Variants in SLC37A2 observed in about 807,000 individuals in gnomAD.
SLC37A2 encodes glucose-6-phosphate exchanger SLC37A2.
SLC37A2 carries 59 observed loss-of-function variants against 70.7 expected under a neutral mutation model. That is an observed-to-expected ratio of 0.83 (90% CI 0.68 to 1.04). The LOEUF (loss-of-function observed/expected upper bound fraction) is 1.04. SLC37A2 is among the 50% of genes least tolerant of loss of function. SLC37A2 has a pLI of 0.00. For missense variants in SLC37A2, 580 were observed against 658.1 expected, an observed-to-expected ratio of 0.88 and a Z score of 1.30; for synonymous variants, 257 against 262.1, an observed-to-expected ratio of 0.98 and a Z score of 0.19.
intron 17 of SLC37A2, chr11:125,087,633 CTTTTT>C (rs201240101): frequency 2.1e-5 from 3 of 140,914 alleles, no homozygotes; most frequent in Admixed American, 7.1e-5. Flanking sequence ...TATTTAATTT[CTTTTT>C]TTTTTTTTTT....
chr11:125,088,244 T>A lies in SLC37A2; in HGVS notation c.*110T>A. On this transcript the variant is annotated 3_prime_UTR_variant, in exon 18 of 18. Coordinates refer to ENST00000403796, the MANE Select transcript of SLC37A2 (RefSeq NM_001145290.2). ...AGCAGGGAAGGCAAACCCTCTTTAT[T>A]GAACATTAGCCAGCCCAGCCCAGAC... 2.3e-6 allele frequency: 3 copies of A among 1,324,612 alleles called. No individual in the cohort carries two copies. In the South Asian group the frequency reaches 3.8e-5, roughly 17 times the overall value. 82.1% of individuals were successfully genotyped at this position (1,324,612 alleles called of 1,614,324 possible). A position where few individuals can be genotyped will look rare whatever the true frequency, so the allele number is the denominator to read the frequency against.
intron 1 of SLC37A2, among the ~76,000 whole-genome samples, chr11:125,076,257 C>T (rs913467750): frequency 3.9e-5 from 6 of 152,140 alleles, no homozygotes; most frequent in South Asian, 4.1e-4. Flanking sequence ...TTCCAACTAC[C>T]GCCTGCCTGA....
Position 125,080,690 on chromosome 11 carries a change from T to A in SLC37A2, c.604T>A (p.Trp202Arg). 6.3e-7 allele frequency: 1 copy of A among 1,587,200 alleles called. No individual in the cohort carries two copies. Among genetic ancestry groups the A allele is most frequent in the Non-Finnish European group, 8.6e-7 (1 of 1,166,104 alleles). The change falls in exon 7 of 18, where the codon TGG becomes AGG. Residue 202 changes from tryptophan (W) to arginine (R), a missense_variant. Coordinates refer to ENST00000403796, the MANE Select transcript of SLC37A2 (RefSeq NM_001145290.2). The surrounding 1 kb of genome is among the most constrained non-coding windows in gnomAD (Gnocchi z 4.3). The stretch of plus-strand genomic sequence containing the variant: ...CCTGGGCTCCCTGATCGCCGGCATC[T>A]GGGTGAACGGGCAGTGGGGCCTGTC... ...NILGSLIAGI[W>R]VNGQWGLSFI...
intron 12 of SLC37A2, 151 bp from the exon 13 acceptor site, chr11:125,084,674 A>G (rs1192432810): frequency 1.2e-6 from 1 of 804,062 alleles, no homozygotes; most frequent in East Asian, 2.7e-5. Context: ...TCCCTGGGAC[A>G]TTTAAAGACC....
rs772612833 is a variant in SLC37A2, at chr11:125,085,394, G to A, written c.1249-1G>A. On this transcript the variant is annotated splice_acceptor_variant, in intron 14 of 17. Transcript: ENST00000403796. LOFTEE classifies it high-confidence loss of function. ...TTCCCCACTCCACTGTCTCTCTCCA[G>A]GGGACTCACAAGAGCCTGAAGGGCA... 1.9e-6 allele frequency: 3 copies of A among 1,613,436 alleles called. No individual in the cohort carries two copies. The South Asian group carries it at 3.3e-5, about 18-fold the overall frequency.
At chr11:125,074,942 C>T (rs1021786413) in intron 1 of SLC37A2, among the ~76,000 whole-genome samples, 1 of 152,180 alleles carries the variant, frequency 6.6e-6, no homozygotes, top group Non-Finnish European at 1.5e-5. Context: ...GTCCTGCTGC[C>T]TGGGGGGCCT....
chr11:125,071,191 TC>T (rs1219589769), intron 1 of SLC37A2, among the ~76,000 whole-genome samples: 1 of 152,058 alleles, frequency 6.6e-6, no homozygotes, highest in Non-Finnish European at 1.5e-5. Flanking sequence ...TCAGGTCTTG[TC>T]CCCTGGACGC....
At chr11:125,088,029 C>A in intron 17 of SLC37A2, 90 bp from the exon 18 acceptor site, 2 of 1,426,580 alleles carry the variant, frequency 1.4e-6, no homozygotes, top group South Asian at 1.2e-5. Context: ...ATGAAGGGAC[C>A]CTGGGACCCT....
At chr11:125,071,952 C>T (rs1037516449) in intron 1 of SLC37A2, among the ~76,000 whole-genome samples, 1 of 152,126 alleles carries the variant, frequency 6.6e-6, no homozygotes, top group Admixed American at 6.5e-5. Flanking sequence ...CAGTCACGTC[C>T]GAGAAGAGAC....
At chr11:125,066,154 T>C (rs1948977947) in intron 1 of SLC37A2, among the ~76,000 whole-genome samples, 1 of 152,258 alleles carries the variant, frequency 6.6e-6, no homozygotes, top group Non-Finnish European at 1.5e-5. Flanking sequence ...ACGTTCTTAA[T>C]GTTGTCTAAG....
At position 125,090,464 on chromosome 11, in the gene SLC37A2, C is replaced by T. The variant is rs560539744; in HGVS notation, c.*2330C>T. On this transcript the variant is annotated 3_prime_UTR_variant, in exon 18 of 18. Coordinates refer to ENST00000403796, the MANE Select transcript of SLC37A2 (RefSeq NM_001145290.2). ...CCAGCATTGGCAACTCGCTCGGGTC[C>T]CCTTCCACGCTGTGGGAGCTTTGTT... Among the ~76,000 whole-genome samples, 4 of 152,280 alleles carry T rather than the reference C, an allele frequency of 2.6e-5. No individual in the cohort carries two copies. Among genetic ancestry groups the T allele is most frequent in the Non-Finnish European group, 4.4e-5 (3 of 68,024 alleles).
rs1311902404 is a variant in SLC37A2 at position 125,063,724 on chromosome 11, A to T, written c.59+298A>T. On this transcript the variant is annotated intron_variant, in intron 1 of 17. Coordinates refer to ENST00000403796, the MANE Select transcript of SLC37A2 (RefSeq NM_001145290.2). This position sits in a 1 kb window ranked among gnomAD's most constrained non-coding sequence, Gnocchi z 5.4. ...TTCCCGTTTCCATCCTCCCCTCCTA[A>T]CACACATCCGGGGCGCCTTCAGAGC... 6.6e-6 allele frequency among the ~76,000 whole-genome samples: 1 copy of T among 151,972 alleles called. No homozygotes were observed. The highest frequency in any genetic ancestry group is 1.5e-5 in the Non-Finnish European group (1 of 67,964).
chr11:125,080,667 T>C lies in SLC37A2; in HGVS notation c.581T>C (p.Leu194Pro). The C allele has an allele frequency of 1.3e-6, 2 of 1,581,130 alleles. No homozygotes were observed. The highest frequency in any genetic ancestry group is 1.7e-6 in the Non-Finnish European group (2 of 1,163,204). ...WNSHTSVGNI[L>P]GSLIAGIWVN... ...TCCCACACATCTGTGGGCAACATCC[T>C]GGGCTCCCTGATCGCCGGCATCTGG... Residue 194 changes from leucine to proline, a missense_variant, in exon 7 of 18, where the codon CTG (leucine) becomes CCG (proline). Leu to Pro is a moderately conservative substitution (Grantham distance 98, BLOSUM62 -3). Coordinates refer to ENST00000403796, the MANE Select transcript of SLC37A2 (RefSeq NM_001145290.2). The surrounding 1 kb of genome is among the most constrained non-coding windows in gnomAD (Gnocchi z 4.3).
intron 4 of SLC37A2, among the ~76,000 whole-genome samples, chr11:125,078,786 TATGCATGTG>T (rs113521206): frequency 0.014 from 1,845 of 134,292 alleles, 40 homozygotes; most frequent in African/African-American, 0.053. Context: ...GGCCTGAAGA[TATGCATGTG>T]ATGCCTGTGG....
Position 125,085,657 on chromosome 11 carries a change from G to A in SLC37A2, c.1408G>A (p.Asp470Asn), listed in dbSNP as rs763143482. ...NNVFYMLISADVLACLLLCRL... is the reference protein window; with the variant it reads ...NNVFYMLISANVLACLLLCRL... The stretch of plus-strand genomic sequence containing the variant: ...TGTCTTCTACATGCTCATCTCTGCC[G>A]ACGTCCTAGCCTGCTTGGTAAGAGT... Residue 470 changes from aspartate (D) to asparagine (N), a missense_variant, in exon 16 of 18, where the codon GAC (aspartate) becomes AAC (asparagine). Transcript: ENST00000403796. The A allele has an allele frequency of 1.2e-5, 20 of 1,613,190 alleles. No individual in the cohort carries two copies. In the East Asian group the frequency reaches 1.6e-4, roughly 13 times the overall value.
chr11:125,079,865 C>CG, intron 6 of SLC37A2, 105 bp downstream of exon 6: 4 of 861,448 alleles, frequency 4.6e-6, no homozygotes, highest in Non-Finnish European at 7.6e-6. Context: ...GGTCAGAAAG[C>CG]GGCCTCCACG....
chr11:125,084,902 G>T (rs770827754), intron 13 of SLC37A2, 29 bp downstream of exon 13: 4 of 1,612,814 alleles, frequency 2.5e-6, no homozygotes, highest in East Asian at 2.2e-5. Context: ...GTCCTGCCAG[G>T]CCAGGGGAAA....
At chr11:125,078,894 C>G (rs1162302920) in intron 4 of SLC37A2, among the ~76,000 whole-genome samples, 1 of 151,490 alleles carries the variant, frequency 6.6e-6, no homozygotes, top group Non-Finnish European at 1.5e-5. Context: ...GAGGGGCCGG[C>G]CAAGCGGAGG....
intron 1 of SLC37A2, among the ~76,000 whole-genome samples, chr11:125,071,676 G>C (rs1949030294): frequency 6.6e-6 from 1 of 152,218 alleles, no homozygotes; most frequent in Non-Finnish European, 1.5e-5. Context: ...ACAGCAAACA[G>C]AGGATTCCCT....
Sources: allele counts gnomAD v4.1 joint callset (sites outside exome capture counted in the v4.1 genomes callset), GRCh38; gene constraint gnomAD v4.1.1; non-coding constraint Gnocchi (gnomAD v3.1); transcripts MANE v1.5; gene names NCBI Gene and HGNC (gene_info 2026-07-23, HGNC 2026-07-21).